LIN7C: variants seen among roughly 807,000 people sequenced by gnomAD.
The protein encoded by LIN7C is protein lin-7 homolog C.
In LIN7C, 17 loss-of-function variants were observed where a neutral mutation model predicts 24.7. The ratio of observed to expected loss-of-function variants is 0.69; its 90% CI spans 0.47 to 1.03. LIN7C has a LOEUF of 1.03. Ranked by LOEUF, LIN7C falls within the 50% of genes least tolerant of loss-of-function variation. The pLI is 0.00. For missense variants in LIN7C, 204 were observed against 239.0 expected (o/e 0.85, Z 0.97); for synonymous variants, 90 against 83.4 (o/e 1.08, Z -0.43).
intron 1 of LIN7C, among the ~76,000 whole-genome samples, chr11:27,503,873 A>G (rs1865248171): frequency 6.6e-6 from 1 of 152,054 alleles, no homozygotes; most frequent in Non-Finnish European, 1.5e-5. Context: ...GCTGGGGTGC[A>G]GTGGTACGAT....
chr11:27,499,524 A>T lies in LIN7C; in HGVS notation c.273T>A (p.Pro91=). 1.2e-6 allele frequency: 2 copies of T among 1,614,236 alleles called. No individual in the cohort carries two copies. The highest frequency in any genetic ancestry group is 1.1e-5 in the South Asian group (1 of 91,090). The change falls in exon 4 of 5, where the codon CCT becomes CCA. Residue 91 remains proline (P), a synonymous_variant. Coordinates refer to ENST00000278193, the MANE Select transcript of LIN7C (RefSeq NM_018362.4). ...CTGTTTTTGGTAGCTCAACAACTCG[A>T]GGATGAGAATGTCCTTCACTGGCAG... ...AFAASEGHSH[P]RVVELPKTEE...
In LIN7C at chr11:27,495,202, T is replaced by C. The variant is rs1473211846; in HGVS notation, c.*3447A>G. 1 of 152,236 alleles carries C rather than the reference T, an allele frequency of 6.6e-6. No homozygotes were observed. Among genetic ancestry groups the C allele is most frequent in the African/African-American group, 2.4e-5 (1 of 41,454 alleles). The allele number at this position is 152,236 out of a possible 1,614,324, so 9.4% of individuals were successfully genotyped here. On this transcript the variant is annotated 3_prime_UTR_variant, in exon 5 of 5. Transcript: ENST00000278193. ...CATATTTGAGGCTGGGCATGGTGGC[T>C]CACGCCAGTAATTCCAGCACTTTGG...
rs1347540467 is a variant in LIN7C, at chr11:27,496,981, C to A, written c.*1668G>T. The A allele has an allele frequency of 6.6e-6, 1 of 152,552 alleles. No homozygotes were observed. The highest frequency in any genetic ancestry group is 2.4e-5 in the African/African-American group (1 of 41,444). The allele number at this position is 152,552 out of a possible 1,614,324, so 9.4% of individuals were successfully genotyped here. A position where few individuals can be genotyped will look rare whatever the true frequency, so the allele number is the denominator to read the frequency against. On this transcript the variant is annotated 3_prime_UTR_variant, in exon 5 of 5. Coordinates refer to ENST00000278193, the MANE Select transcript of LIN7C (RefSeq NM_018362.4). ...ATTAAATTAAGTCCATACTTCTATA[C>A]TACTTTGGTCTCAACATTTTTAAAA...
intron 1 of LIN7C, among the ~76,000 whole-genome samples, chr11:27,502,561 A>C (rs1865236574): frequency 6.6e-6 from 1 of 152,222 alleles, no homozygotes; most frequent in Non-Finnish European, 1.5e-5. Context: ...AACAAGCTCC[A>C]ACACTTATGT....
At chr11:27,499,265 A>C (rs922386608) in intron 4 of LIN7C, 94 bp downstream of exon 4, 1 of 1,013,642 alleles carries the variant, frequency 9.9e-7, no homozygotes, top group Non-Finnish European at 1.5e-6. Context: ...AGGCATTTCT[A>C]AACCACAAGT....
Position 27,499,513 on chromosome 11 carries a change from T to C in LIN7C, c.284A>G (p.Glu95Gly). Reference sequence around the variant, plus strand: ...AAGGCCCTCTTCTGTTTTTGGTAGCTCAACAACTCGAGGATGAGAATGTCC... The same window carrying C: ...AAGGCCCTCTTCTGTTTTTGGTAGCCCAACAACTCGAGGATGAGAATGTCC... ...SEGHSHPRVV[E>G]LPKTEEGLGF... Residue 95 changes from glutamate to glycine, a missense_variant, in exon 4 of 5, where the codon GAG becomes GGG. Physicochemically the swap from Glu to Gly is moderately conservative, Grantham distance 98. Transcript: ENST00000278193. The C allele has an allele frequency of 6.2e-7, 1 of 1,614,204 alleles. No homozygotes were observed. The highest frequency in any genetic ancestry group is 1.1e-5 in the South Asian group (1 of 91,088).
intron 1 of LIN7C, among the ~76,000 whole-genome samples, chr11:27,502,399 G>A (rs537201760): frequency 4.1e-4 from 63 of 152,200 alleles, no homozygotes; most frequent in Non-Finnish European, 7.8e-4. Flanking sequence ...GTCATTCCTC[G>A]AAAGAAACAT....
Position 27,499,351 on chromosome 11 carries a change from A to C in LIN7C, c.438+8T>G. 2 of 1,611,342 alleles carry C rather than the reference A, an allele frequency of 1.2e-6. No individual in the cohort carries two copies. Among genetic ancestry groups the C allele is most frequent in the Non-Finnish European group, 1.7e-6 (2 of 1,177,558 alleles). On this transcript the variant is annotated splice_region_variant and intron_variant, in intron 4 of 4. Coordinates refer to ENST00000278193, the MANE Select transcript of LIN7C (RefSeq NM_018362.4). ...ATCACTACAAATAGAAATAAAATTC[A>C]TCCTTACCACTCCATTAACAGAGAG...
At chr11:27,501,029 T>C (rs1865219592) in intron 3 of LIN7C, among the ~76,000 whole-genome samples, 1 of 152,124 alleles carries the variant, frequency 6.6e-6, no homozygotes, top group African/African-American at 2.4e-5. Context: ...ATGCAGATAA[T>C]GTAAAGAAGA....
chr11:27,503,320 C>A (rs1468578734), intron 1 of LIN7C, among the ~76,000 whole-genome samples: 1 of 152,076 alleles, frequency 6.6e-6, no homozygotes, highest in Non-Finnish European at 1.5e-5. Context: ...TTTCCAAAAA[C>A]TGTTTTGGTA....
chr11:27,499,374 G>A lies in LIN7C; in HGVS notation c.423C>T (p.Leu141=), dbSNP rs751833827. The A allele has an allele frequency of 3.1e-6, 5 of 1,613,128 alleles. No individual in the cohort carries two copies. In the East Asian group the frequency reaches 6.7e-5, roughly 22 times the overall value. ...HGGLKRGDQL[L]SVNGVSVEGE... ...TCATCCTTACCACTCCATTAACAGA[G>A]AGGAGTTGATCTCCACGTTTGAGGC... The change falls in exon 4 of 5, where the codon CTC becomes CTT. Residue 141 remains leucine (L), a synonymous_variant. Transcript: ENST00000278193.
At chr11:27,502,961 A>G (rs1023895310) in intron 1 of LIN7C, among the ~76,000 whole-genome samples, 2 of 152,274 alleles carry the variant, frequency 1.3e-5, no homozygotes, top group African/African-American at 4.8e-5. Context: ...AAAAAAATAC[A>G]AAAATTAGCC....
At chr11:27,506,491 G>A (rs1865300660) in intron 1 of LIN7C, among the ~76,000 whole-genome samples, 2 of 152,194 alleles carry the variant, frequency 1.3e-5, no homozygotes, top group African/African-American at 4.8e-5. Context: ...GTTGTGCTGT[G>A]CCTTGGAACA....
Position 27,497,465 on chromosome 11 carries a change from T to C in LIN7C, c.*1184A>G, listed in dbSNP as rs1479158944. ...CTTTTAGTAAAATAGTGACATCCAG[T>C]GGACAAATGAAATATTTCTCAAATT... On this transcript the variant is annotated 3_prime_UTR_variant, in exon 5 of 5. Coordinates refer to ENST00000278193, the MANE Select transcript of LIN7C (RefSeq NM_018362.4). 2 of 152,548 alleles carry C rather than the reference T, an allele frequency of 1.3e-5. No individual in the cohort carries two copies. Among genetic ancestry groups the C allele is most frequent in the East Asian group, 1.9e-4 (1 of 5,202 alleles). 9.4% of individuals were successfully genotyped at this position (152,548 alleles called of 1,614,324 possible).
At position 27,499,369 on chromosome 11, in the gene LIN7C, A is replaced by C. The variant is rs750904779; in HGVS notation, c.428T>G (p.Val143Gly). The change falls in exon 4 of 5, where the codon GTT becomes GGT. Residue 143 changes from valine (V) to glycine (G), a missense_variant. By Grantham distance (109) the Val-to-Gly change is moderately radical. Coordinates refer to ENST00000278193, the MANE Select transcript of LIN7C (RefSeq NM_018362.4). The stretch of plus-strand genomic sequence containing the variant: ...AAAATTCATCCTTACCACTCCATTA[A>C]CAGAGAGGAGTTGATCTCCACGTTT... ...GLKRGDQLLS[V>G]NGVSVEGEHH... 2.5e-6 allele frequency: 4 copies of C among 1,613,092 alleles called. No homozygotes were observed. The highest frequency in any genetic ancestry group is 3.4e-6 in the Non-Finnish European group (4 of 1,179,194).
rs1590439523 is a variant in LIN7C at position 27,497,944 on chromosome 11, T to A, written c.*705A>T. 6.6e-6 allele frequency: 1 copy of A among 152,212 alleles called. No individual in the cohort carries two copies. Among genetic ancestry groups the A allele is most frequent in the East Asian group, 1.9e-4 (1 of 5,204 alleles). The allele number at this position is 152,212 out of a possible 1,614,324, so 9.4% of individuals were successfully genotyped here. On this transcript the variant is annotated 3_prime_UTR_variant, in exon 5 of 5. Transcript: ENST00000278193. ...TATCAATTACATCCTCTTGCCTCAA[T>A]GCTCAAATATTAAGAATATGTATTT...
chr11:27,502,001 T>C, intron 1 of LIN7C, 81 bp from the exon 2 acceptor site: 1 of 820,246 alleles, frequency 1.2e-6, no homozygotes, highest in Non-Finnish European at 2.0e-6. Flanking sequence ...TTAGGATTCA[T>C]TCCTCAAGGG....
Position 27,498,563 on chromosome 11 carries a change from A to C in LIN7C, c.*86T>G. ...ATGATAAATTTGTTTGTTTTCTTACAATCATTGGCATTGCAGCCATTAGTA... is the reference window on the plus strand; with the variant it reads ...ATGATAAATTTGTTTGTTTTCTTACCATCATTGGCATTGCAGCCATTAGTA... On this transcript the variant is annotated 3_prime_UTR_variant, in exon 5 of 5. Coordinates refer to ENST00000278193, the MANE Select transcript of LIN7C (RefSeq NM_018362.4). 2.5e-6 allele frequency: 3 copies of C among 1,207,288 alleles called. No homozygotes were observed. The highest frequency in any genetic ancestry group is 4.8e-5 in the East Asian group (2 of 41,844). 74.8% of individuals were successfully genotyped at this position (1,207,288 alleles called of 1,614,324 possible). A position where few individuals can be genotyped will look rare whatever the true frequency, so the allele number is the denominator to read the frequency against.
chr11:27,506,188 C>T (rs894649159), intron 1 of LIN7C, among the ~76,000 whole-genome samples: 3 of 152,236 alleles, frequency 2.0e-5, no homozygotes, highest in Non-Finnish European at 4.4e-5. Context: ...TTTAAAGCAA[C>T]CTCTCCATTT....
Sources: allele counts gnomAD v4.1 joint callset (sites outside exome capture counted in the v4.1 genomes callset), GRCh38; gene constraint gnomAD v4.1.1; transcripts MANE v1.5; gene names NCBI Gene and HGNC (gene_info 2026-07-23, HGNC 2026-07-21).